The following ELMO1 variants were observed in gnomAD, a reference collection of about 807,000 sequenced individuals.
The protein encoded by ELMO1 is engulfment and cell motility protein 1.
In ELMO1, 26 loss-of-function variants were observed where a neutral mutation model predicts 98.9. The observed-to-expected ratio is 0.26, with a 90% CI of 0.19 to 0.36. The LOEUF (loss-of-function observed/expected upper bound fraction) is 0.36. Among genes scored for constraint, ELMO1 ranks in the 10% least tolerant of loss-of-function variants. ELMO1 has a pLI of 1.00. For synonymous variants in ELMO1, 346 were observed against 346.0 expected (o/e 1.00, Z 0.00); for missense variants, 627 against 935.2 (o/e 0.67, Z 4.30).
chr7:36,943,750 T>C (rs1201038480), intron 16 of ELMO1, among the ~76,000 whole-genome samples: 1 of 152,236 alleles, frequency 6.6e-6, no homozygotes, highest in Non-Finnish European at 1.5e-5. Flanking sequence ...TTGTTTTCAA[T>C]TGCAGAACAT....
At chr7:37,444,695 C>T (rs921868730) in intron 1 of ELMO1, among the ~76,000 whole-genome samples, 7 of 152,006 alleles carry the variant, frequency 4.6e-5, no homozygotes, top group Non-Finnish European at 1.0e-4. Context: ...TTTGTATTTT[C>T]AATAGAGACG....
intron 1 of ELMO1, among the ~76,000 whole-genome samples, chr7:37,410,781 A>C (rs758745310): frequency 1.3e-5 from 2 of 152,228 alleles, no homozygotes; most frequent in African/African-American, 2.4e-5. Context: ...AACAAAAAAC[A>C]GTGGGTTTCC....
intron 10 of ELMO1, among the ~76,000 whole-genome samples, chr7:37,220,535 T>A (rs1793533141): frequency 6.6e-6 from 1 of 152,190 alleles, no homozygotes; most frequent in African/African-American, 2.4e-5. Flanking sequence ...TTGCATAGTT[T>A]TCAAAGAAAG....
intron 7 of ELMO1, among the ~76,000 whole-genome samples, chr7:37,236,610 TG>T (rs545961074): frequency 6.6e-6 from 1 of 152,230 alleles, no homozygotes. Flanking sequence ...CATAATATTC[TG>T]TATTACACAC....
intron 15 of ELMO1, among the ~76,000 whole-genome samples, chr7:37,032,095 GA>G (rs1168189474): frequency 6.6e-6 from 1 of 152,132 alleles, no homozygotes; most frequent in African/African-American, 2.4e-5. Flanking sequence ...AGTCATTGGA[GA>G]AACATCCTAT....
chr7:37,292,045 C>T lies in ELMO1; in HGVS notation c.193-20163G>A, dbSNP rs1195550023. 1.6e-5 allele frequency among the ~76,000 whole-genome samples: 2 copies of T among 125,922 alleles called. 1 individual carries two copies. Among genetic ancestry groups the T allele is most frequent in the Non-Finnish European group, 3.7e-5 (2 of 53,424 alleles). 82.6% of individuals were successfully genotyped at this position (125,922 alleles called of 152,430 possible). ...GCCATCTCGGCTCACTGCAACCTCC[C>T]TGCCTGATTCTCCTGCCTCAGCTTG... On this transcript the variant is annotated intron_variant, in intron 4 of 21. Transcript: ENST00000310758.
chr7:36,930,611 C>T (rs1163271922), intron 16 of ELMO1, among the ~76,000 whole-genome samples: 1 of 152,224 alleles, frequency 6.6e-6, no homozygotes. Context: ...TTGAAATACC[C>T]TCTAAGATAG....
intron 15 of ELMO1, among the ~76,000 whole-genome samples, chr7:37,053,249 T>A (rs1194158429): frequency 6.7e-6 from 1 of 149,166 alleles, no homozygotes; most frequent in Non-Finnish European, 1.5e-5. Flanking sequence ...ACAAGAGAAG[T>A]GCCCCACAAC....
At chr7:37,201,110 GGC>G (rs1390943059) in intron 13 of ELMO1, among the ~76,000 whole-genome samples, 1 of 152,102 alleles carries the variant, frequency 6.6e-6, no homozygotes, top group East Asian at 1.9e-4. Context: ...CTCCAGAAAT[GGC>G]TACTGTTTAA....
intron 16 of ELMO1, among the ~76,000 whole-genome samples, chr7:36,965,918 T>C (rs1789388406): frequency 6.6e-6 from 1 of 152,212 alleles, no homozygotes; most frequent in Non-Finnish European, 1.5e-5. Context: ...TTTGATGTCT[T>C]GATCCCCCAT....
At chr7:37,221,662 A>G (rs1793602827) in intron 10 of ELMO1, among the ~76,000 whole-genome samples, 1 of 152,094 alleles carries the variant, frequency 6.6e-6, no homozygotes, top group Admixed American at 6.6e-5. Context: ...ATCAGAGGAA[A>G]GGTTCCATGT....
intron 16 of ELMO1, among the ~76,000 whole-genome samples, chr7:36,969,051 T>C (rs956374889): frequency 1.2e-4 from 19 of 152,150 alleles, no homozygotes; most frequent in African/African-American, 4.3e-4. Context: ...TCTTTAGCCA[T>C]GTAAGTGATG....
chr7:36,862,769 C>T (rs757812781), intron 20 of ELMO1, among the ~76,000 whole-genome samples: 10 of 152,196 alleles, frequency 6.6e-5, no homozygotes, highest in Non-Finnish European at 1.3e-4. Context: ...CCATCCCTCT[C>T]CCCTCCTGTG....
intron 15 of ELMO1, among the ~76,000 whole-genome samples, chr7:37,059,061 A>G (rs946523758): frequency 6.6e-6 from 1 of 152,214 alleles, no homozygotes; most frequent in Non-Finnish European, 1.5e-5. Context: ...CCCTGTGGTT[A>G]GAGTCTCAGA....
At position 37,383,779 on chromosome 7, in the gene ELMO1, T is replaced by C. The variant is rs186758891; in HGVS notation, c.-73-41016A>G. On this transcript the variant is annotated intron_variant, in intron 1 of 21. Coordinates refer to ENST00000310758, the MANE Select transcript of ELMO1 (RefSeq NM_014800.11). The stretch of plus-strand genomic sequence containing the variant: ...AGGCAACATTTAAAAGGATACACGT[T>C]TTAGGTAAAGTTTGAAATATACAGG... Among the ~76,000 whole-genome samples, 4 of 152,246 alleles carry C rather than the reference T, an allele frequency of 2.6e-5. No individual in the cohort carries two copies. The East Asian group carries it at 7.7e-4, about 29-fold the overall frequency.
chr7:37,005,876 A>G (rs986164602), intron 16 of ELMO1, among the ~76,000 whole-genome samples: 5 of 151,778 alleles, frequency 3.3e-5, no homozygotes, highest in Admixed American at 2.6e-4. Context: ...ATTACTGTGG[A>G]CTGGTGTTGG....
At chr7:37,192,348 C>A (rs34980749) in intron 13 of ELMO1, among the ~76,000 whole-genome samples, 86,361 of 151,178 alleles carry the variant, frequency 0.57, 25,271 homozygotes, top group East Asian at 0.72. Flanking sequence ...TACAAAAATT[C>A]GCTGGATGTG....
rs1416418096 is a variant in ELMO1 at position 36,872,529 on chromosome 7, CT to C, written c.1823-2055del. On this transcript the variant is annotated intron_variant, in intron 19 of 21. Coordinates refer to ENST00000310758, the MANE Select transcript of ELMO1 (RefSeq NM_014800.11). ...TCCTGACTGATCTCAGACCCCTTTTCTGCCTCTTTGCCTGACCCCCTTGGGG... is the reference window on the plus strand; with the variant it reads ...TCCTGACTGATCTCAGACCCCTTTTCGCCTCTTTGCCTGACCCCCTTGGGG... 6.6e-5 allele frequency among the ~76,000 whole-genome samples: 10 copies of C among 152,354 alleles called. No individual in the cohort carries two copies. In the East Asian group the frequency reaches 1.9e-3, roughly 29 times the overall value.
Position 36,979,529 on chromosome 7 carries a change from G to A in ELMO1, c.1437+33770C>T, listed in dbSNP as rs140293257. Among the ~76,000 whole-genome samples the A allele has an allele frequency of 5.4e-3, 825 of 152,214 alleles. 4 individuals carry two copies. Among genetic ancestry groups the A allele is most frequent in the Non-Finnish European group, 8.1e-3 (551 of 68,020 alleles). ...GACGCTGGCTCAGGGAATCTAGGAC[G>A]CGGCTGTCATCCCTTGTCCCCCATC... On this transcript the variant is annotated intron_variant, in intron 16 of 21. Transcript: ENST00000310758.
Sources: gnomAD v4.1 joint callset for allele counts (sites outside exome capture counted in the v4.1 genomes callset) on GRCh38, gnomAD v4.1.1 for gene constraint, MANE v1.5 for transcripts, NCBI Gene and HGNC (gene_info 2026-07-23, HGNC 2026-07-21) for gene names.